The following ASIC2 variants were observed in gnomAD, a reference collection of about 807,000 sequenced individuals.
The protein encoded by ASIC2 is acid sensing ion channel subunit 2, also known as acid-sensing ion channel 2.
In ASIC2, 25 loss-of-function variants were observed where a neutral mutation model predicts 57.3. The observed-to-expected ratio is 0.44, with a 90% CI of 0.32 to 0.61. The LOEUF (loss-of-function observed/expected upper bound fraction) is 0.61. Ranked by LOEUF, ASIC2 falls within the 20% of genes least tolerant of loss-of-function variation. The pLI, the probability that ASIC2 is intolerant of heterozygous loss-of-function variation, is 0.06. For synonymous variants in ASIC2, 319 were observed against 307.5 expected (o/e 1.04, Z -0.39); for missense variants, 641 against 738.1 (o/e 0.87, Z 1.52).
At chr17:34,018,993 C>T (rs1907062121) in intron 1 of ASIC2, among the ~76,000 whole-genome samples, 1 of 152,090 alleles carries the variant, frequency 6.6e-6, no homozygotes, top group Non-Finnish European at 1.5e-5. Context: ...CTGCAAGCTC[C>T]ACCTCCCAGG....
chr17:33,651,303 C>T (rs773409069), intron 1 of ASIC2, among the ~76,000 whole-genome samples: 1 of 152,022 alleles, frequency 6.6e-6, no homozygotes, highest in African/African-American at 2.4e-5. Context: ...GTGATAAGTA[C>T]GTAGAACTTT....
At chr17:33,181,413 T>A (rs1223936809) in intron 1 of ASIC2, among the ~76,000 whole-genome samples, 3 of 152,186 alleles carry the variant, frequency 2.0e-5, no homozygotes, top group Non-Finnish European at 2.9e-5. Flanking sequence ...ATGGCAAATG[T>A]GGTGGCTTAG....
intron 1 of ASIC2, among the ~76,000 whole-genome samples, chr17:34,063,922 A>G (rs906446591): frequency 6.6e-6 from 1 of 152,220 alleles, no homozygotes; most frequent in African/African-American, 2.4e-5. Context: ...GATGGGTAGA[A>G]TCAATATTGT....
At chr17:33,277,732 T>C (rs897942334) in intron 1 of ASIC2, among the ~76,000 whole-genome samples, 2 of 152,210 alleles carry the variant, frequency 1.3e-5, no homozygotes, top group African/African-American at 4.8e-5. Flanking sequence ...GAGCTGCCCT[T>C]AGACAGGGAT....
Position 34,076,159 on chromosome 17 carries a change from T to C in ASIC2, c.555+79819A>G, listed in dbSNP as rs1052411289. Among the ~76,000 whole-genome samples, 5 of 152,114 alleles carry C rather than the reference T, an allele frequency of 3.3e-5. No homozygotes were observed. In the South Asian group the frequency reaches 1.0e-3, roughly 32 times the overall value. On this transcript the variant is annotated intron_variant, in intron 1 of 9. Transcript: ENST00000359872. ...CTGGGACTACAGGTGCCTGCCACCA[T>C]GCCTGGCTAATTTTTTCGTATTTTT...
chr17:33,069,009 C>T (rs1336669115), intron 3 of ASIC2, among the ~76,000 whole-genome samples: 1 of 152,106 alleles, frequency 6.6e-6, no homozygotes, highest in Non-Finnish European at 1.5e-5. Context: ...GTGCTACTGG[C>T]AGCACATAAA....
chr17:34,101,257 A>G (rs1910854100), intron 1 of ASIC2, among the ~76,000 whole-genome samples: 1 of 152,218 alleles, frequency 6.6e-6, no homozygotes, highest in African/African-American at 2.4e-5. Context: ...ACATACATAT[A>G]CAAGGCTCAG....
intron 1 of ASIC2, among the ~76,000 whole-genome samples, chr17:33,801,341 C>T (rs1257839333): frequency 6.6e-6 from 1 of 152,178 alleles, no homozygotes; most frequent in Admixed American, 6.5e-5. Flanking sequence ...TCGTTTTTCA[C>T]CTCACAAACT....
intron 1 of ASIC2, among the ~76,000 whole-genome samples, chr17:34,023,662 G>A (rs1330704077): frequency 6.6e-6 from 1 of 152,146 alleles, no homozygotes; most frequent in Non-Finnish European, 1.5e-5. Context: ...CTCCGGAGGT[G>A]CAGCATCAAG....
intron 1 of ASIC2, among the ~76,000 whole-genome samples, chr17:34,009,137 C>A (rs917957903): frequency 1.3e-5 from 2 of 152,114 alleles, no homozygotes; most frequent in Admixed American, 6.5e-5. Flanking sequence ...AGAATAACAG[C>A]CCGGAAAATG....
At chr17:33,185,981 A>G (rs917057524) in intron 1 of ASIC2, among the ~76,000 whole-genome samples, 3 of 152,192 alleles carry the variant, frequency 2.0e-5, no homozygotes, top group Non-Finnish European at 4.4e-5. Context: ...GTCAGCAAAC[A>G]TTTTCTGTAA....
At chr17:33,508,891 T>C (rs1281382157) in intron 1 of ASIC2, among the ~76,000 whole-genome samples, 3 of 152,166 alleles carry the variant, frequency 2.0e-5, no homozygotes, top group African/African-American at 7.2e-5. Context: ...ACCTCTTACT[T>C]CTGAGGAGTT....
rs111646416 is a variant in ASIC2, at chr17:33,018,965, G to T, written c.1442-1281C>A. Reference sequence around the variant, plus strand: ...GCTGGGTGGGGTCCAGCACCCACATGCCCGGGTGAACAACAGAGATGGTGG... The same window carrying T: ...GCTGGGTGGGGTCCAGCACCCACATTCCCGGGTGAACAACAGAGATGGTGG... On this transcript the variant is annotated intron_variant, in intron 7 of 9. Coordinates refer to ENST00000225823, the MANE Select transcript of ASIC2 (RefSeq NM_183377.2). 4.4e-3 allele frequency among the ~76,000 whole-genome samples: 676 copies of T among 152,276 alleles called. 1 individual carries two copies. Among genetic ancestry groups the T allele is most frequent in the Non-Finnish European group, 6.9e-3 (468 of 68,020 alleles).
At chr17:33,566,697 C>T (rs1916244402) in intron 1 of ASIC2, among the ~76,000 whole-genome samples, 1 of 152,162 alleles carries the variant, frequency 6.6e-6, no homozygotes, top group South Asian at 2.1e-4. Flanking sequence ...ACAGTAATCT[C>T]TATCTCCAGG....
rs953878792 is a variant in ASIC2 at position 33,358,248 on chromosome 17, C to T, written c.556-246181G>A. Among the ~76,000 whole-genome samples, 16 of 152,238 alleles carry T rather than the reference C, an allele frequency of 1.1e-4. No homozygotes were observed. In the East Asian group the frequency reaches 1.2e-3, roughly 11 times the overall value. On this transcript the variant is annotated intron_variant, in intron 1 of 9. Transcript: ENST00000359872. Reference sequence around the variant, plus strand: ...GTATATATTTTTGGCTGCCTTTTCACTCCAACGGCAGAAGAATAGTTGAGT... The same window carrying T: ...GTATATATTTTTGGCTGCCTTTTCATTCCAACGGCAGAAGAATAGTTGAGT...
intron 1 of ASIC2, among the ~76,000 whole-genome samples, chr17:33,579,309 G>C (rs1452346425): frequency 7.1e-6 from 1 of 141,150 alleles, no homozygotes; most frequent in Admixed American, 6.9e-5. Context: ...AAAAAATGCA[G>C]GTGGGTGACT....
At chr17:33,776,497 T>C (rs1435022619) in intron 1 of ASIC2, among the ~76,000 whole-genome samples, 3 of 152,192 alleles carry the variant, frequency 2.0e-5, no homozygotes, top group Admixed American at 6.5e-5. Flanking sequence ...ACAGACTAGA[T>C]GGTAAGGTTG....
chr17:33,649,658 A>G (rs1285669797), intron 1 of ASIC2, among the ~76,000 whole-genome samples: 2 of 152,254 alleles, frequency 1.3e-5, no homozygotes, highest in Non-Finnish European at 2.9e-5. Flanking sequence ...AAAACTGTGC[A>G]GTATTGGTGG....
intron 1 of ASIC2, among the ~76,000 whole-genome samples, chr17:33,214,330 C>T (rs1907393309): frequency 6.6e-6 from 1 of 152,136 alleles, no homozygotes; most frequent in African/African-American, 2.4e-5. Flanking sequence ...CATAATACAA[C>T]ACTGGGCTGA....
Sources: allele counts gnomAD v4.1 joint callset (sites outside exome capture counted in the v4.1 genomes callset), GRCh38; gene constraint gnomAD v4.1.1; transcripts MANE v1.5; gene names NCBI Gene and HGNC (gene_info 2026-07-23, HGNC 2026-07-21).